The following USP25 variants were observed in gnomAD, a reference collection of about 807,000 sequenced individuals.
USP25 encodes the protein ubiquitin carboxyl-terminal hydrolase 25.
In USP25, 85 loss-of-function variants were observed where a neutral mutation model predicts 158.5. The observed-to-expected ratio is 0.54, with a 90% CI of 0.45 to 0.64. The LOEUF (loss-of-function observed/expected upper bound fraction) is 0.64, where lower values mean the gene tolerates loss of function less well. Among genes scored for constraint, USP25 ranks in the 30% least tolerant of loss-of-function variants. USP25 has a pLI of 0.00. For synonymous variants in USP25, 464 were observed against 460.4 expected (o/e 1.01, Z -0.10); for missense variants, 1,242 against 1,327.3 (o/e 0.94, Z 1.00).
rs2033819354 is a variant in USP25, at chr21:15,762,937, A to G, written c.92A>G (p.Asn31Ser). 1.2e-6 allele frequency: 2 copies of G among 1,612,722 alleles called. No individual in the cohort carries two copies. Among genetic ancestry groups the G allele is most frequent in the Non-Finnish European group, 8.5e-7 (1 of 1,179,258 alleles). ...CAACTGAGAGAAATTACGGGGATTAATGACACCCAGATACTACAGCAAGCC... is the reference window on the plus strand; with the variant it reads ...CAACTGAGAGAAATTACGGGGATTAGTGACACCCAGATACTACAGCAAGCC... ...LNQLREITGI[N>S]DTQILQQALK... Residue 31 changes from asparagine to serine, a missense_variant, in exon 2 of 26, where the codon AAT (asparagine) becomes AGT (serine). Transcript: ENST00000400183.
intron 1 of USP25, among the ~76,000 whole-genome samples, chr21:15,735,408 TTATAAG>T (rs1271884612): frequency 3.3e-5 from 5 of 152,202 alleles, no homozygotes; most frequent in Non-Finnish European, 7.3e-5. Flanking sequence ...GTGTTAGGTA[TTATAAG>T]TAATCTAGAA....
rs566565058 is a variant in USP25, at chr21:15,734,967, G to T, written c.45+4529G>T. 5.9e-5 allele frequency among the ~76,000 whole-genome samples: 9 copies of T among 152,250 alleles called. No individual in the cohort carries two copies. In the South Asian group the frequency reaches 1.9e-3, roughly 32 times the overall value. On this transcript the variant is annotated intron_variant, in intron 1 of 25. Coordinates refer to ENST00000400183, the MANE Select transcript of USP25 (RefSeq NM_001283041.3). ...TCTTTCCAACCACCTTATGAAGTGA[G>T]TGCTATTTTTCTCCTTTCTTATTGA...
chr21:15,809,762 A>G (rs2036567009), intron 8 of USP25, among the ~76,000 whole-genome samples: 1 of 152,208 alleles, frequency 6.6e-6, no homozygotes, highest in South Asian at 2.1e-4. Context: ...ATGTCCATTG[A>G]TAGGTGAATG....
chr21:15,826,825 A>G lies in USP25; in HGVS notation c.1467-152A>G. Reference sequence around the variant, plus strand: ...TAATAATTTAGTTCTTATGTATTAAAAATCTCATTTGGATGTTAGATCAAT... The same window carrying G: ...TAATAATTTAGTTCTTATGTATTAAGAATCTCATTTGGATGTTAGATCAAT... On this transcript the variant is annotated intron_variant, in intron 13 of 25. Coordinates refer to ENST00000400183, the MANE Select transcript of USP25 (RefSeq NM_001283041.3). The surrounding 1 kb of genome is among the most constrained non-coding windows in gnomAD (Gnocchi z 4.8). 7 of 667,030 alleles carry G rather than the reference A, an allele frequency of 1.0e-5. No homozygotes were observed. The highest frequency in any genetic ancestry group is 1.5e-5 in the Non-Finnish European group (6 of 404,918). The allele number at this position is 667,030 out of a possible 1,614,324, so 41.3% of individuals were successfully genotyped here.
At chr21:15,838,462 G>A (rs1307536366) in intron 17 of USP25, among the ~76,000 whole-genome samples, 2 of 151,940 alleles carry the variant, frequency 1.3e-5, no homozygotes, top group East Asian at 1.9e-4. Context: ...TCTTTGTCCC[G>A]GATAAATTTA....
Position 15,826,311 on chromosome 21 carries a change from A to T in USP25, c.1412A>T (p.Asp471Val). ...SKPVCTSPVDDIDASSPPSGS... is the reference protein window; with the variant it reads ...SKPVCTSPVDVIDASSPPSGS... The stretch of plus-strand genomic sequence containing the variant: ...CCTGTTTGCACTTCTCCTGTTGACG[A>T]TATTGACGCTAGTTCCCCACCTAGT... Residue 471 changes from aspartate to valine, a missense_variant, in exon 13 of 26, where the codon GAT becomes GTT. Physicochemically the swap from Asp to Val is radical, Grantham distance 152. Transcript: ENST00000400183. This position sits in a 1 kb window ranked among gnomAD's most constrained non-coding sequence, Gnocchi z 4.8. 2 of 1,614,102 alleles carry T rather than the reference A, an allele frequency of 1.2e-6. No individual in the cohort carries two copies. The highest frequency in any genetic ancestry group is 1.7e-6 in the Non-Finnish European group (2 of 1,179,984).
At chr21:15,820,621 T>C (rs1001322386) in intron 10 of USP25, among the ~76,000 whole-genome samples, 3 of 151,990 alleles carry the variant, frequency 2.0e-5, no homozygotes, top group African/African-American at 7.2e-5. Flanking sequence ...TGTCACTGAC[T>C]AAAGTATAGT....
chr21:15,829,842 T>C (rs1262100529), intron 14 of USP25, among the ~76,000 whole-genome samples: 1 of 152,162 alleles, frequency 6.6e-6, no homozygotes, highest in Non-Finnish European at 1.5e-5. Flanking sequence ...TTACTAGTTT[T>C]CTGACAGGCT....
chr21:15,850,871 C>T (rs2038854509), intron 20 of USP25, among the ~76,000 whole-genome samples: 2 of 151,938 alleles, frequency 1.3e-5, no homozygotes, highest in African/African-American at 4.8e-5. Context: ...ATTTCCTGGA[C>T]TACAGGATTT....
chr21:15,838,945 A>G (rs1196594460), intron 17 of USP25, among the ~76,000 whole-genome samples: 1 of 152,166 alleles, frequency 6.6e-6, no homozygotes, highest in Non-Finnish European at 1.5e-5. Context: ...GAGCAGACTC[A>G]GAGTTCCCTC....
chr21:15,823,596 G>A (rs914836345), intron 10 of USP25, among the ~76,000 whole-genome samples: 6 of 152,102 alleles, frequency 3.9e-5, no homozygotes, highest in African/African-American at 1.4e-4. Flanking sequence ...GAGTTGTGAC[G>A]ATTTATGATA....
chr21:15,792,358 A>C (rs1479113384), intron 5 of USP25, among the ~76,000 whole-genome samples: 1 of 151,654 alleles, frequency 6.6e-6, no homozygotes, highest in Admixed American at 6.6e-5. Context: ...GACATTGATA[A>C]TGTTATCCAT....
chr21:15,754,519 G>C (rs2033250789), intron 1 of USP25, among the ~76,000 whole-genome samples: 1 of 152,180 alleles, frequency 6.6e-6, no homozygotes, highest in Non-Finnish European at 1.5e-5. Flanking sequence ...GATTTACCTT[G>C]TGATTAACCA....
intron 4 of USP25, among the ~76,000 whole-genome samples, chr21:15,778,401 A>G (rs1247073837): frequency 2.0e-5 from 3 of 152,068 alleles, no homozygotes; most frequent in East Asian, 1.9e-4. Context: ...TTTGTTGGCT[A>G]TAGGGTTTCT....
intron 4 of USP25, among the ~76,000 whole-genome samples, chr21:15,785,004 A>G (rs962345016): frequency 1.3e-5 from 2 of 151,890 alleles, no homozygotes; most frequent in Non-Finnish European, 2.9e-5. Flanking sequence ...TATGTTGCCT[A>G]CAAGAGACAC....
intron 6 of USP25, 110 bp downstream of exon 6, chr21:15,799,953 G>A: frequency 1.9e-6 from 1 of 526,760 alleles, no homozygotes; most frequent in Non-Finnish European, 3.2e-6. Flanking sequence ...CTGTCAATTT[G>A]AATGTCAATT....
At chr21:15,805,069 T>G in intron 6 of USP25, 52 bp from the exon 7 acceptor site, 1 of 1,508,936 alleles carries the variant, frequency 6.6e-7, no homozygotes, top group Non-Finnish European at 8.8e-7. Context: ...TAGTAAAAAT[T>G]TTCTTAATCT....
chr21:15,795,287 G>A (rs1250531206), intron 5 of USP25, among the ~76,000 whole-genome samples: 2 of 151,634 alleles, frequency 1.3e-5, no homozygotes, highest in Non-Finnish European at 3.0e-5. Flanking sequence ...AAATGTTACA[G>A]TGATTCACTA....
At chr21:15,821,835 C>T (rs768755819) in intron 10 of USP25, among the ~76,000 whole-genome samples, 1 of 151,866 alleles carries the variant, frequency 6.6e-6, no homozygotes, top group Non-Finnish European at 1.5e-5. Flanking sequence ...GTATCTTATA[C>T]ACTTTAATAG....
Sources: allele counts gnomAD v4.1 joint callset (sites outside exome capture counted in the v4.1 genomes callset), GRCh38; gene constraint gnomAD v4.1.1; non-coding constraint Gnocchi (gnomAD v3.1); transcripts MANE v1.5; gene names NCBI Gene and HGNC (gene_info 2026-07-23, HGNC 2026-07-21).